CAPRIN1: variants seen among roughly 807,000 people sequenced by gnomAD.
CAPRIN1 encodes cell cycle associated protein 1.
In CAPRIN1, 29 loss-of-function variants were observed where a neutral mutation model predicts 100.9. The ratio of observed to expected loss-of-function variants is 0.29; its 90% CI spans 0.21 to 0.39. The LOEUF (loss-of-function observed/expected upper bound fraction) is 0.39. CAPRIN1 is among the 10% of genes least tolerant of loss of function. The pLI, the probability that CAPRIN1 is intolerant of heterozygous loss-of-function variation, is 1.00. For synonymous variants in CAPRIN1, 338 were observed against 307.5 expected (o/e 1.10, Z -1.04); for missense variants, 795 against 876.7 (o/e 0.91, Z 1.18).
chr11:34,096,550 C>T lies in CAPRIN1; in HGVS notation c.1777C>T (p.Gln593Ter), dbSNP rs1288896803. The T allele has an allele frequency of 6.2e-7, 1 of 1,613,966 alleles. No homozygotes were observed. Among genetic ancestry groups the T allele is most frequent in the Non-Finnish European group, 8.5e-7 (1 of 1,179,998 alleles). The change falls in exon 16 of 19, where the codon CAG (glutamine) becomes TAG (stop). Residue 593 changes from glutamine to a stop codon, truncating the protein, a stop_gained. Transcript: ENST00000341394. LOFTEE classifies it high-confidence loss of function. ...VTGNHQQPPQ[Q>*]NTGFPRSNQP... ...TGGTAACCACCAGCAGCCTCCTCAG[C>T]AGAACACTGGATTTCCACGTAGCAA...
chr11:34,086,783 C>T (rs946455967), intron 11 of CAPRIN1, among the ~76,000 whole-genome samples: 2 of 152,172 alleles, frequency 1.3e-5, no homozygotes, highest in African/African-American at 4.8e-5. Flanking sequence ...CAACCACTTC[C>T]GTACTTGTAA....
At chr11:34,086,018 C>T (rs1435327647) in intron 9 of CAPRIN1, 46 bp from the exon 10 acceptor site, 13 of 1,574,032 alleles carry the variant, frequency 8.3e-6, no homozygotes, top group Non-Finnish European at 1.1e-5. Context: ...GTGAGTGGAG[C>T]TTTTTTGCTC....
intron 4 of CAPRIN1, among the ~76,000 whole-genome samples, chr11:34,074,738 C>A (rs1225086808): frequency 4.6e-5 from 7 of 152,196 alleles, no homozygotes; most frequent in Non-Finnish European, 7.3e-5. Context: ...CAAAAATTAG[C>A]CGGGCTTGGC....
chr11:34,079,602 A>G, intron 6 of CAPRIN1, 26 bp from the exon 7 acceptor site: 1 of 1,603,438 alleles, frequency 6.2e-7, no homozygotes, highest in South Asian at 1.1e-5. Flanking sequence ...TAAGTCTTAC[A>G]TTATAATTCA....
intron 2 of CAPRIN1, among the ~76,000 whole-genome samples, chr11:34,067,005 G>A (rs536236845): frequency 7.3e-5 from 11 of 149,990 alleles, no homozygotes; most frequent in African/African-American, 2.7e-4. Context: ...TCTCGACTCA[G>A]TGTAGTCTCC....
At chr11:34,075,393 G>T (rs1850885982) in intron 4 of CAPRIN1, among the ~76,000 whole-genome samples, 1 of 152,142 alleles carries the variant, frequency 6.6e-6, no homozygotes, top group African/African-American at 2.4e-5. Context: ...CCTCATGTTA[G>T]ATACACGGGA....
chr11:34,073,367 CTG>C (rs1406480112), intron 4 of CAPRIN1, among the ~76,000 whole-genome samples: 23 of 152,320 alleles, frequency 1.5e-4, no homozygotes, highest in African/African-American at 3.4e-4. Context: ...GTTTTCTAAT[CTG>C]TAAAGTGGTA....
intron 4 of CAPRIN1, among the ~76,000 whole-genome samples, chr11:34,072,960 T>G (rs1352786499): frequency 6.6e-6 from 1 of 152,212 alleles, no homozygotes. Flanking sequence ...ATTTGTAGTC[T>G]AGGAGCTAAT....
intron 7 of CAPRIN1, among the ~76,000 whole-genome samples, chr11:34,081,926 C>T (rs1036759094): frequency 2.0e-5 from 3 of 152,104 alleles, no homozygotes; most frequent in Non-Finnish European, 4.4e-5. Flanking sequence ...ATTCTCATGC[C>T]TCAGCCTTCC....
At chr11:34,081,343 G>A (rs1851023949) in intron 7 of CAPRIN1, among the ~76,000 whole-genome samples, 1 of 151,918 alleles carries the variant, frequency 6.6e-6, no homozygotes, top group Admixed American at 6.6e-5. Context: ...GGGGACTACA[G>A]GCGCATCACC....
At chr11:34,087,357 G>A (rs1851168677) in intron 11 of CAPRIN1, among the ~76,000 whole-genome samples, 1 of 82,786 alleles carries the variant, frequency 1.2e-5, no homozygotes. Flanking sequence ...TTTTTGAGAC[G>A]GAGTCTCGCT....
intron 7 of CAPRIN1, among the ~76,000 whole-genome samples, chr11:34,082,346 C>T (rs1851050002): frequency 6.6e-6 from 1 of 152,042 alleles, no homozygotes; most frequent in Non-Finnish European, 1.5e-5. Context: ...CGCCACCATG[C>T]CCGGCTAATT....
intron 12 of CAPRIN1, 22 bp from the exon 13 acceptor site, chr11:34,090,157 T>C (rs918199088): frequency 1.3e-6 from 2 of 1,504,904 alleles, no homozygotes; most frequent in African/African-American, 1.4e-5. Flanking sequence ...GAAGAAGCTT[T>C]TATTTCTTTA....
chr11:34,097,072 T>G, intron 16 of CAPRIN1, 124 bp from the exon 17 acceptor site: 1 of 684,054 alleles, frequency 1.5e-6, no homozygotes, highest in Non-Finnish European at 2.5e-6. Flanking sequence ...GATAGGAAAT[T>G]GGAGATTAAT....
chr11:34,085,857 G>T (rs1262680992), intron 9 of CAPRIN1, among the ~76,000 whole-genome samples: 1 of 152,050 alleles, frequency 6.6e-6, no homozygotes, highest in African/African-American at 2.4e-5. Flanking sequence ...CTACATAGTG[G>T]TCTTATGGAA....
chr11:34,055,703 T>A (rs1303250053), intron 2 of CAPRIN1: 2 of 152,208 alleles, frequency 1.3e-5, no homozygotes, highest in Non-Finnish European at 1.5e-5. Flanking sequence ...ACTGAAAGAT[T>A]GCCGTGTTAA....
chr11:34,097,031 C>T (rs1013818493), intron 16 of CAPRIN1, among the ~76,000 whole-genome samples, 165 bp from the exon 17 acceptor site: 4 of 151,964 alleles, frequency 2.6e-5, no homozygotes, highest in Non-Finnish European at 4.4e-5. Context: ...GCAGTTAGTA[C>T]TTACAGAAAT....
chr11:34,056,433 TATG>T (rs1350592507), intron 2 of CAPRIN1: 1 of 152,196 alleles, frequency 6.6e-6, no homozygotes, highest in East Asian at 1.9e-4. Flanking sequence ...GTTGATGAAA[TATG>T]ATCGTGTTAT....
Position 34,082,818 on chromosome 11 carries a change from C to T in CAPRIN1, c.827-7C>T. On this transcript the variant is annotated splice_region_variant and splice_polypyrimidine_tract_variant and intron_variant, in intron 7 of 18. Transcript: ENST00000341394. ...CTTTTGTTTTGCACCATTTTTTAAC[C>T]TCTTAGAACCTGAGCCAGCAGAAGA... is the stretch of plus-strand genomic sequence containing the variant. The T allele has an allele frequency of 6.2e-7, 1 of 1,612,098 alleles. No individual in the cohort carries two copies. Among genetic ancestry groups the T allele is most frequent in the East Asian group, 2.2e-5 (1 of 44,842 alleles).
Sources: allele counts gnomAD v4.1 joint callset (sites outside exome capture counted in the v4.1 genomes callset), GRCh38; gene constraint gnomAD v4.1.1; transcripts MANE v1.5; gene names NCBI Gene and HGNC (gene_info 2026-07-23, HGNC 2026-07-21).